Variants in GALNT1 observed in about 807,000 individuals in gnomAD.
GALNT1 encodes GalNAc transferase 1.
A neutral mutation model predicts 65.7 loss-of-function variants in GALNT1; 17 were observed. The observed-to-expected ratio is 0.26, with a 90% confidence interval of 0.18 to 0.39. GALNT1 has a LOEUF of 0.39. Ranked by LOEUF, GALNT1 falls within the 10% of genes least tolerant of loss-of-function variation. The pLI is 1.00. For synonymous variants in GALNT1, 210 were observed against 219.7 expected (o/e 0.96, Z 0.39); for missense variants, 460 against 672.8 (o/e 0.68, Z 3.50).
chr18:35,702,860 C>T (rs757374759), intron 9 of GALNT1, 37 bp from the exon 10 acceptor site: 1 of 1,414,350 alleles, frequency 7.1e-7, no homozygotes, highest in Non-Finnish European at 9.8e-7. Context: ...ATTAACTTCT[C>T]CAACTCCTGA....
At chr18:35,657,002 G>T (rs1300111796) in intron 2 of GALNT1, among the ~76,000 whole-genome samples, 1 of 152,178 alleles carries the variant, frequency 6.6e-6, no homozygotes, top group Non-Finnish European at 1.5e-5. Context: ...TGTCTCCATG[G>T]TTGGACGAAT....
At chr18:35,683,231 T>G (rs1367956827) in intron 4 of GALNT1, among the ~76,000 whole-genome samples, 160 bp from the exon 5 acceptor site, 2 of 152,214 alleles carry the variant, frequency 1.3e-5, no homozygotes, top group African/African-American at 2.4e-5. Context: ...TCTTGGGGAA[T>G]ATAAAGGCTT....
chr18:35,675,399 T>C (rs2047696886), intron 3 of GALNT1, among the ~76,000 whole-genome samples: 1 of 152,238 alleles, frequency 6.6e-6, no homozygotes, highest in East Asian at 1.9e-4. Context: ...TAAAAAATTA[T>C]TTCCTTTTTA....
At chr18:35,622,336 C>T (rs141236313) in intron 1 of GALNT1, among the ~76,000 whole-genome samples, 117 of 152,226 alleles carry the variant, frequency 7.7e-4, no homozygotes, top group Non-Finnish European at 1.5e-3. Context: ...ACTGCAGCTT[C>T]GACTTCCCAG....
chr18:35,637,959 G>A (rs940618714), intron 1 of GALNT1, among the ~76,000 whole-genome samples: 4 of 152,202 alleles, frequency 2.6e-5, no homozygotes, highest in Non-Finnish European at 5.9e-5. Flanking sequence ...CTGGATGACA[G>A]CATATCTGTT....
At chr18:35,648,325 G>A (rs1284035072) in intron 1 of GALNT1, among the ~76,000 whole-genome samples, 1 of 152,152 alleles carries the variant, frequency 6.6e-6, no homozygotes, top group Non-Finnish European at 1.5e-5. Context: ...AGATGATTTT[G>A]CACAACTATA....
chr18:35,656,800 G>T (rs1253949325), intron 2 of GALNT1, among the ~76,000 whole-genome samples: 3 of 151,086 alleles, frequency 2.0e-5, no homozygotes, highest in Non-Finnish European at 4.4e-5. Context: ...AGAGGACGAG[G>T]CAGGTAGCAG....
At chr18:35,657,924 G>C (rs1338430976) in intron 2 of GALNT1, among the ~76,000 whole-genome samples, 2 of 152,086 alleles carry the variant, frequency 1.3e-5, no homozygotes, top group African/African-American at 4.8e-5. Flanking sequence ...TTCAGGAAGA[G>C]GTTTAAACTA....
chr18:35,641,997 A>C (rs1013902861), intron 1 of GALNT1, among the ~76,000 whole-genome samples: 3 of 152,246 alleles, frequency 2.0e-5, no homozygotes, highest in African/African-American at 7.2e-5. Flanking sequence ...TGTCACATTC[A>C]TTTATGTACC....
At chr18:35,644,653 G>A (rs1341948929) in intron 1 of GALNT1, among the ~76,000 whole-genome samples, 3 of 152,084 alleles carry the variant, frequency 2.0e-5, no homozygotes, top group Non-Finnish European at 4.4e-5. Flanking sequence ...CACTTGTATG[G>A]ATTTGTTTTG....
chr18:35,669,874 G>C lies in GALNT1; in HGVS notation c.314+6072G>C, dbSNP rs570423170. 2.6e-5 allele frequency among the ~76,000 whole-genome samples: 4 copies of C among 152,284 alleles called. No individual in the cohort carries two copies. In the South Asian group the frequency reaches 8.3e-4, roughly 32 times the overall value. On this transcript the variant is annotated intron_variant, in intron 3 of 11. Transcript: ENST00000269195. The stretch of plus-strand genomic sequence containing the variant: ...AAAGAACTCACTGTTATGAGGACTG[G>C]AAGAGAGGAATTAAAATTTATTAAA...
chr18:35,596,857 A>G (rs2046511657), intron 1 of GALNT1: 1 of 152,260 alleles, frequency 6.6e-6, no homozygotes, highest in Non-Finnish European at 1.5e-5. Context: ...CTCCAGTTCC[A>G]ACATGAGCCC....
chr18:35,608,099 T>C (rs1178352657), intron 1 of GALNT1, among the ~76,000 whole-genome samples: 1 of 152,212 alleles, frequency 6.6e-6, no homozygotes, highest in Admixed American at 6.5e-5. Flanking sequence ...TAGCTATTTC[T>C]TAGATCCCTC....
At chr18:35,692,160 G>A (rs1239194066) in intron 8 of GALNT1, 21 bp from the exon 9 acceptor site, 2 of 1,589,902 alleles carry the variant, frequency 1.3e-6, no homozygotes, top group Non-Finnish European at 1.7e-6. Flanking sequence ...ATAATTCAGA[G>A]TCAATTATTT....
chr18:35,639,129 G>A lies in GALNT1; in HGVS notation c.-103-15431G>A, dbSNP rs188737594. Among the ~76,000 whole-genome samples the A allele has an allele frequency of 9.7e-4, 147 of 152,204 alleles. 1 individual carries two copies. The highest frequency in any genetic ancestry group is 3.0e-3 in the African/African-American group (125 of 41,524). The stretch of plus-strand genomic sequence containing the variant: ...GTTTGAGAGGATTGGCTTCAATTTC[G>A]AAAAAAGTTCTACTCTGGGTAAGAT... On this transcript the variant is annotated intron_variant, in intron 1 of 11. Transcript: ENST00000269195.
chr18:35,624,587 G>A (rs1036570802), intron 1 of GALNT1, among the ~76,000 whole-genome samples: 2 of 151,980 alleles, frequency 1.3e-5, no homozygotes, highest in Admixed American at 6.5e-5. Flanking sequence ...CTACCATTTT[G>A]TGCTGTCTAT....
chr18:35,584,671 A>G (rs1478128626), intron 1 of GALNT1, among the ~76,000 whole-genome samples: 1 of 152,204 alleles, frequency 6.6e-6, no homozygotes, highest in Non-Finnish European at 1.5e-5. Flanking sequence ...GGCCAGGGGA[A>G]TGGTTTCGGG....
At chr18:35,672,931 G>A (rs1470532100) in intron 3 of GALNT1, among the ~76,000 whole-genome samples, 2 of 152,150 alleles carry the variant, frequency 1.3e-5, no homozygotes, top group African/African-American at 4.8e-5. Context: ...CTTGGACTTA[G>A]GGAAATTAAA....
chr18:35,680,692 A>T (rs1343906116), intron 4 of GALNT1, among the ~76,000 whole-genome samples: 1 of 152,198 alleles, frequency 6.6e-6, no homozygotes, highest in African/African-American at 2.4e-5. Context: ...TTTATTAAAG[A>T]AGTATGAAGT....
Sources: gnomAD v4.1 joint callset for allele counts (sites outside exome capture counted in the v4.1 genomes callset) on GRCh38, gnomAD v4.1.1 for gene constraint, MANE v1.5 for transcripts, NCBI Gene and HGNC (gene_info 2026-07-23, HGNC 2026-07-21) for gene names.